Variants in LAMC2 observed in about 807,000 individuals in gnomAD.
LAMC2 encodes laminin subunit gamma-2.
In LAMC2, 97 loss-of-function variants were observed where a neutral mutation model predicts 140.2. The ratio of observed to expected loss-of-function variants is 0.69; its 90% CI spans 0.59 to 0.82. The LOEUF (loss-of-function observed/expected upper bound fraction) is 0.82, where lower values mean the gene tolerates loss of function less well. LAMC2 is among the 40% of genes least tolerant of loss of function. LAMC2 has a pLI of 0.00. For synonymous variants in LAMC2, 513 were observed against 540.2 expected (o/e 0.95, Z 0.70); for missense variants, 1,402 against 1,476.1 (o/e 0.95, Z 0.82).
chr1:183,255,255 A>G, the LAMC2 span, among the ~76,000 whole-genome samples: 2 of 152,178 alleles, frequency 1.3e-5, no homozygotes, highest in Non-Finnish European at 2.9e-5. Context: ...TGGGCTCACT[A>G]TTCGGTTCCA....
Position 183,208,166 on chromosome 1 carries a change from G to A in LAMC2, c.268+97G>A, listed in dbSNP as rs542588720. On this transcript the variant is annotated intron_variant, in intron 2 of 22. Transcript: ENST00000264144. ...GGAAAAGAAGAAGGAAGGGAACAAC[G>A]GAGGAAAAAGAAAGAAAACAGGGAA... 38 of 1,185,430 alleles carry A rather than the reference G, an allele frequency of 3.2e-5. No individual in the cohort carries two copies. The South Asian group carries it at 3.5e-4, about 11-fold the overall frequency. 73.4% of individuals were successfully genotyped at this position (1,185,430 alleles called of 1,614,324 possible). A position where few individuals can be genotyped will look rare whatever the true frequency, so the allele number is the denominator to read the frequency against.
intron 2 of LAMC2, 55 bp downstream of exon 2, chr1:183,208,124 A>G: frequency 2.1e-6 from 3 of 1,449,680 alleles, no homozygotes; most frequent in Middle Eastern, 1.9e-4. Flanking sequence ...GGGAGACAAG[A>G]GGGAAGGAAG....
At chr1:183,224,094 A>T (rs1659556301) in intron 7 of LAMC2, among the ~76,000 whole-genome samples, 2 of 152,164 alleles carry the variant, frequency 1.3e-5, no homozygotes, top group South Asian at 4.1e-4. Flanking sequence ...GTGCATGTTC[A>T]TGGGGTCTTG....
At chr1:183,235,965 T>A (rs1487735373) in intron 16 of LAMC2, among the ~76,000 whole-genome samples, 1 of 152,180 alleles carries the variant, frequency 6.6e-6, no homozygotes, top group Non-Finnish European at 1.5e-5. Context: ...ATTACAATAC[T>A]GGGAGGTATG....
intron 2 of LAMC2, among the ~76,000 whole-genome samples, chr1:183,209,313 G>C (rs1053397199): frequency 6.6e-6 from 1 of 152,176 alleles, no homozygotes; most frequent in African/African-American, 2.4e-5. Flanking sequence ...GGAACCAACT[G>C]ATAGCTGCAG....
chr1:183,255,977 T>C, the LAMC2 span, among the ~76,000 whole-genome samples: 1 of 152,272 alleles, frequency 6.6e-6, no homozygotes, highest in Non-Finnish European at 1.5e-5. Flanking sequence ...TAACTGCTAT[T>C]GATAGTACTT....
At chr1:183,247,664 C>T (rs1660267607), downstream of LAMC2, among the ~76,000 whole-genome samples, 1 of 152,154 alleles carries the variant, frequency 6.6e-6, no homozygotes, top group African/African-American at 2.4e-5. Flanking sequence ...ACTGTTTCAC[C>T]TTCTGAATCA....
At chr1:183,258,329 G>A in the LAMC2 span, among the ~76,000 whole-genome samples, 1 of 152,128 alleles carries the variant, frequency 6.6e-6, no homozygotes, top group Non-Finnish European at 1.5e-5. Flanking sequence ...GATCTCACTG[G>A]AGACCAGCTC....
At chr1:183,202,996 A>T (rs79062081) in intron 1 of LAMC2, among the ~76,000 whole-genome samples, 3,706 of 152,298 alleles carry the variant, frequency 0.024, 159 homozygotes, top group African/African-American at 0.084. Context: ...GCACTGTGTG[A>T]TATAATAGGG....
Position 183,232,861 on chromosome 1 carries a change from G to C in LAMC2, c.2220+4G>C, listed in dbSNP as rs749826551. 5.0e-6 allele frequency: 8 copies of C among 1,613,748 alleles called. No individual in the cohort carries two copies. Among genetic ancestry groups the C allele is most frequent in the African/African-American group, 1.3e-5 (1 of 74,914 alleles). On this transcript the variant is annotated splice_donor_region_variant and intron_variant, in intron 14 of 22. Transcript: ENST00000264144. The stretch of plus-strand genomic sequence containing the variant: ...TGAAGCTTCCTTGGGAAACACTGTA[G>C]GTTTTTGCTGGGCTAGAGTATTGAG...
rs576076077 is a variant in LAMC2 at position 183,186,371 on chromosome 1, G to T, written c.19G>T (p.Gly7Cys). 8.1e-6 allele frequency: 13 copies of T among 1,604,034 alleles called. No individual in the cohort carries two copies. The Admixed American group carries it at 1.3e-4, about 16-fold the overall frequency. The change falls in exon 1 of 23, where the codon GGC (glycine) becomes TGC (cysteine). Residue 7 changes from glycine to cysteine, a missense_variant. This residue lies in a region of LAMC2 where 723 missense variants were observed against 783.3 expected (regional missense o/e 0.92). Coordinates refer to ENST00000264144, the MANE Select transcript of LAMC2 (RefSeq NM_005562.3). ...CCCCGCCATGCCTGCGCTCTGGCTG[G>T]GCTGCTGCCTCTGCTTCTCGCTCCT... MPALWL[G>C]CCLCFSLLLP... is the part of the protein sequence containing the mutation.
chr1:183,237,835 A>T (rs1249396108), intron 18 of LAMC2, among the ~76,000 whole-genome samples: 1 of 152,220 alleles, frequency 6.6e-6, no homozygotes, highest in Non-Finnish European at 1.5e-5. Flanking sequence ...GCAGTGAGCC[A>T]TGATTACACC....
At chr1:183,239,594 C>T in intron 20 of LAMC2, 31 bp downstream of exon 20, 2 of 1,549,114 alleles carry the variant, frequency 1.3e-6, no homozygotes, top group African/African-American at 1.4e-5. Context: ...GTGTTGGTGC[C>T]AGTAGCACCA....
At chr1:183,205,053 C>T (rs187037349) in intron 1 of LAMC2, among the ~76,000 whole-genome samples, 2 of 152,292 alleles carry the variant, frequency 1.3e-5, no homozygotes, top group Non-Finnish European at 2.9e-5. Flanking sequence ...AAACTCCTGA[C>T]GTCAGGTGAT....
chr1:183,227,662 A>C lies in LAMC2; in HGVS notation c.1433A>C (p.Glu478Ala). 5 of 1,614,142 alleles carry C rather than the reference A, an allele frequency of 3.1e-6. No homozygotes were observed. Among genetic ancestry groups the C allele is most frequent in the Non-Finnish European group, 4.2e-6 (5 of 1,180,012 alleles). The stretch of plus-strand genomic sequence containing the variant: ...TGCTCAGTGATGCCGGAGACGGAGG[A>C]GGTGGTGTGCAATAACTGCCCTCCC... ...FSCSVMPETE[E>A]VVCNNCPPGV... The change falls in exon 10 of 23, where the codon GAG (glutamate) becomes GCG (alanine). Residue 478 changes from glutamate to alanine, a missense_variant. Around this residue, in one of 3 missense-constraint regions of LAMC2, gnomAD observed 723 missense variants for 783.3 expected, o/e 0.92. Coordinates refer to ENST00000264144, the MANE Select transcript of LAMC2 (RefSeq NM_005562.3).
At position 183,220,855 on chromosome 1, in the gene LAMC2, G is replaced by A; in HGVS notation, c.534G>A (p.Gly178=). The A allele has an allele frequency of 6.2e-7, 1 of 1,613,962 alleles. No individual in the cohort carries two copies. Among genetic ancestry groups the A allele is most frequent in the Non-Finnish European group, 8.5e-7 (1 of 1,179,824 alleles). The change falls in exon 5 of 23, where the codon GGG becomes GGA. Residue 178 remains glycine, a synonymous_variant. Coordinates refer to ENST00000264144, the MANE Select transcript of LAMC2 (RefSeq NM_005562.3). ...RCRSGYYNLD[G]GNPEGCTQCF... The stretch of plus-strand genomic sequence containing the variant: ...GATCAGGTTACTATAATCTGGATGG[G>A]GGGAACCCTGAGGGCTGTACCCAGT...
chr1:183,225,823 T>C, intron 8 of LAMC2, 103 bp downstream of exon 8: 2 of 756,778 alleles, frequency 2.6e-6, no homozygotes, highest in East Asian at 2.6e-5. Flanking sequence ...GATAAGTTAC[T>C]TGATGATCCT....
At chr1:183,186,901 T>C (rs2102155841) in intron 1 of LAMC2, among the ~76,000 whole-genome samples, 1 of 152,316 alleles carries the variant, frequency 6.6e-6, no homozygotes, top group East Asian at 1.9e-4. Flanking sequence ...CTTAATAGTA[T>C]TAGCAATACC....
the LAMC2 span, among the ~76,000 whole-genome samples, chr1:183,258,885 A>G: frequency 1.3e-5 from 2 of 152,130 alleles, no homozygotes; most frequent in Non-Finnish European, 2.9e-5. Flanking sequence ...GGCTTCCCCA[A>G]CCCATGAAGT....
Sources: gnomAD v4.1 joint callset for allele counts (sites outside exome capture counted in the v4.1 genomes callset) on GRCh38, gnomAD v4.1.1 for gene constraint, gnomAD v4.1.1 regional missense constraint, MANE v1.5 for transcripts, NCBI Gene and HGNC (gene_info 2026-07-23, HGNC 2026-07-21) for gene names.